CCDC152: variants seen among roughly 807,000 people sequenced by gnomAD.
CCDC152 encodes coiled-coil domain containing 152, also known as coiled-coil domain-containing protein 152.
A neutral mutation model predicts 38.1 loss-of-function variants in CCDC152; 37 were observed. The ratio of observed to expected loss-of-function variants is 0.97; its 90% CI spans 0.75 to 1.28. CCDC152 has a LOEUF of 1.28. Ranked by LOEUF, CCDC152 falls within the 50% of genes most tolerant of loss-of-function variation. The pLI is 0.00. For missense variants in CCDC152, 259 were observed against 292.1 expected, an observed-to-expected ratio of 0.89 and a Z score of 0.83; for synonymous variants, 83 against 87.1, an observed-to-expected ratio of 0.95 and a Z score of 0.26.
intron 4 of CCDC152, among the ~76,000 whole-genome samples, chr5:42,778,832 A>T (rs1759802562): frequency 6.6e-6 from 1 of 152,094 alleles, no homozygotes; most frequent in Admixed American, 6.6e-5. Context: ...AACTCTCATT[A>T]TTTCACTTCT....
intron 6 of CCDC152, among the ~76,000 whole-genome samples, chr5:42,790,246 C>T (rs894371719): frequency 6.6e-5 from 10 of 152,042 alleles, no homozygotes; most frequent in African/African-American, 1.4e-4. Flanking sequence ...CCAAGGCGGG[C>T]GGATTACCTG....
intron 4 of CCDC152, among the ~76,000 whole-genome samples, chr5:42,770,468 G>A (rs1375746404): frequency 6.6e-6 from 1 of 151,600 alleles, no homozygotes; most frequent in Non-Finnish European, 1.5e-5. Context: ...ACCCAGCTGG[G>A]TTCTCTATTC....
intron 4 of CCDC152, among the ~76,000 whole-genome samples, chr5:42,773,104 C>G (rs183955113): frequency 6.6e-6 from 1 of 152,056 alleles, no homozygotes; most frequent in South Asian, 2.1e-4. Flanking sequence ...AAAAATCATG[C>G]CAGCAGGATG....
intron 6 of CCDC152, among the ~76,000 whole-genome samples, chr5:42,786,897 G>T (rs1200629651): frequency 6.6e-6 from 1 of 151,498 alleles, no homozygotes; most frequent in Non-Finnish European, 1.5e-5. Flanking sequence ...TTTTGTTGTT[G>T]TTTTTTACCT....
chr5:42,791,291 G>A (rs1759996917), intron 6 of CCDC152, among the ~76,000 whole-genome samples: 3 of 152,136 alleles, frequency 2.0e-5, no homozygotes, highest in Admixed American at 2.0e-4. Context: ...CAGCCTTCCT[G>A]GTAATTTGGT....
At position 42,801,413 on chromosome 5, in the gene CCDC152, T is replaced by C; in HGVS notation, c.*1632T>C. 1.9e-6 allele frequency: 2 copies of C among 1,057,544 alleles called. No individual in the cohort carries two copies. Among genetic ancestry groups the C allele is most frequent in the East Asian group, 2.4e-5 (1 of 41,974 alleles). 65.5% of individuals were successfully genotyped at this position (1,057,544 alleles called of 1,614,324 possible). A position where few individuals can be genotyped will look rare whatever the true frequency, so the allele number is the denominator to read the frequency against. ...TGAAAAATGATTTGTAGAGCTAACA[T>C]GTGAAATTCCAACTAGTTAATTAGA... On this transcript the variant is annotated 3_prime_UTR_variant, in exon 9 of 9. Coordinates refer to ENST00000361970, the MANE Select transcript of CCDC152 (RefSeq NM_001134848.2).
intron 4 of CCDC152, among the ~76,000 whole-genome samples, chr5:42,770,926 T>C (rs923171755): frequency 1.3e-5 from 2 of 152,186 alleles, no homozygotes; most frequent in Non-Finnish European, 2.9e-5. Context: ...TTTCCAGATA[T>C]TTTGTAATTT....
At chr5:42,787,000 T>A (rs1310187775) in intron 6 of CCDC152, among the ~76,000 whole-genome samples, 1 of 152,050 alleles carries the variant, frequency 6.6e-6, no homozygotes, top group African/African-American at 2.4e-5. Flanking sequence ...TATTCCATTA[T>A]GGTCCACATA....
At chr5:42,777,153 G>A (rs1440680699) in intron 4 of CCDC152, among the ~76,000 whole-genome samples, 1 of 152,076 alleles carries the variant, frequency 6.6e-6, no homozygotes, top group Non-Finnish European at 1.5e-5. Flanking sequence ...TGACAAGTCT[G>A]TAGCCAGATG....
chr5:42,795,451 T>C (rs2111598936), intron 6 of CCDC152, among the ~76,000 whole-genome samples: 1 of 152,346 alleles, frequency 6.6e-6, no homozygotes, highest in Non-Finnish European at 1.5e-5. Flanking sequence ...ATTCACCTTT[T>C]AGTGGTAGAA....
intron 3 of CCDC152, among the ~76,000 whole-genome samples, chr5:42,763,695 A>C (rs2972999): frequency 0.45 from 67,626 of 151,962 alleles, 15,243 homozygotes; most frequent in East Asian, 0.58. Flanking sequence ...ATTCTCATAG[A>C]CATTACAAAA....
chr5:42,758,146 T>C (rs1444075824), intron 1 of CCDC152, among the ~76,000 whole-genome samples: 2 of 152,156 alleles, frequency 1.3e-5, no homozygotes, highest in Middle Eastern at 3.2e-3. Context: ...AGAAACAAAA[T>C]ATACAGCCAA....
At chr5:42,784,764 G>T (rs1167134187) in intron 6 of CCDC152, among the ~76,000 whole-genome samples, 3 of 152,088 alleles carry the variant, frequency 2.0e-5, no homozygotes, top group Admixed American at 6.5e-5. Context: ...TCAATCTTGA[G>T]TTAATTTTTG....
chr5:42,769,001 G>A (rs369118314), intron 3 of CCDC152, among the ~76,000 whole-genome samples: 1 of 152,060 alleles, frequency 6.6e-6, no homozygotes, highest in Non-Finnish European at 1.5e-5. Context: ...GAGACCAAGG[G>A]GGGTGGATCA....
At chr5:42,772,164 A>G (rs1012052877) in intron 4 of CCDC152, among the ~76,000 whole-genome samples, 4 of 152,242 alleles carry the variant, frequency 2.6e-5, no homozygotes, top group Non-Finnish European at 5.9e-5. Flanking sequence ...CAAAATGAAT[A>G]GAAAAAAACA....
chr5:42,801,026 T>A lies in CCDC152; in HGVS notation c.*1245T>A, dbSNP rs570817380. ...ATTTACAGAGTAATTGATTTATACA[T>A]CTCTTTCGACAGAGCTTCTTTTGTA... On this transcript the variant is annotated 3_prime_UTR_variant, in exon 9 of 9. Coordinates refer to ENST00000361970, the MANE Select transcript of CCDC152 (RefSeq NM_001134848.2). 2.3e-4 allele frequency: 366 copies of A among 1,614,212 alleles called. 2 individuals are homozygous for A. The South Asian group carries it at 3.9e-3, about 17-fold the overall frequency.
At chr5:42,771,157 A>G (rs1030295125) in intron 4 of CCDC152, among the ~76,000 whole-genome samples, 2 of 152,180 alleles carry the variant, frequency 1.3e-5, no homozygotes, top group African/African-American at 4.8e-5. Context: ...CAAAAATGCT[A>G]AACACACTCC....
intron 3 of CCDC152, among the ~76,000 whole-genome samples, chr5:42,766,554 A>T (rs1444281304): frequency 1.3e-5 from 2 of 152,206 alleles, no homozygotes; most frequent in Admixed American, 6.5e-5. Flanking sequence ...TGTGGTACTT[A>T]TACACAATGT....
intron 6 of CCDC152, among the ~76,000 whole-genome samples, chr5:42,793,564 A>G (rs963264005): frequency 1.3e-5 from 2 of 152,224 alleles, no homozygotes; most frequent in Non-Finnish European, 2.9e-5. Flanking sequence ...ATAATTTACA[A>G]TGACTCTGAT....
Sources: allele counts gnomAD v4.1 joint callset (sites outside exome capture counted in the v4.1 genomes callset), GRCh38; gene constraint gnomAD v4.1.1; transcripts MANE v1.5; gene names NCBI Gene and HGNC (gene_info 2026-07-23, HGNC 2026-07-21).